The following TTLL5 variants were observed in gnomAD, a reference collection of about 807,000 sequenced individuals.
TTLL5 encodes tubulin tyrosine ligase like 5, also known as tubulin polyglutamylase TTLL5.
Under a neutral mutation model 168.4 loss-of-function variants are expected in TTLL5, and 132 were observed. That is an observed-to-expected ratio of 0.78 (90% confidence interval 0.68 to 0.91). TTLL5 has a LOEUF of 0.91. TTLL5 is among the 40% of genes least tolerant of loss of function. The pLI, the probability that TTLL5 is intolerant of heterozygous loss-of-function variation, is 0.00. For synonymous variants in TTLL5, 546 were observed against 558.6 expected (o/e 0.98, Z 0.32); for missense variants, 1,545 against 1,581.5 (o/e 0.98, Z 0.39).
chr14:75,911,528 T>C (rs2033386885), intron 31 of TTLL5, among the ~76,000 whole-genome samples: 1 of 152,234 alleles, frequency 6.6e-6, no homozygotes, highest in Non-Finnish European at 1.5e-5. Flanking sequence ...TTGTTTGGTG[T>C]TGGTTAGAAG....
intron 2 of TTLL5, among the ~76,000 whole-genome samples, chr14:75,665,673 A>G (rs929717093): frequency 2.0e-5 from 3 of 152,186 alleles, no homozygotes; most frequent in African/African-American, 7.2e-5. Flanking sequence ...AGCCTGGCCA[A>G]TATGGTGAAA....
At chr14:75,880,729 G>A (rs2140017096) in intron 29 of TTLL5, among the ~76,000 whole-genome samples, 1 of 152,290 alleles carries the variant, frequency 6.6e-6, no homozygotes, top group South Asian at 2.1e-4. Context: ...AGGGTTTGTT[G>A]TAGACCCTGT....
intron 30 of TTLL5, among the ~76,000 whole-genome samples, chr14:75,890,572 A>G (rs1451915418): frequency 6.6e-6 from 1 of 152,182 alleles, no homozygotes; most frequent in Admixed American, 6.5e-5. Context: ...CTTGAAGAAA[A>G]AGAAGATTTA....
At chr14:75,855,265 TA>T (rs1180834111) in intron 28 of TTLL5, among the ~76,000 whole-genome samples, 1 of 152,082 alleles carries the variant, frequency 6.6e-6, no homozygotes, top group Non-Finnish European at 1.5e-5. Context: ...GTAGATTGAT[TA>T]GGGGGTAGTT....
intron 18 of TTLL5, among the ~76,000 whole-genome samples, chr14:75,760,713 T>C (rs903730220): frequency 6.6e-6 from 1 of 152,030 alleles, no homozygotes; most frequent in African/African-American, 2.4e-5. Flanking sequence ...ATGGAACAAC[T>C]GAATATCGTA....
intron 20 of TTLL5, among the ~76,000 whole-genome samples, chr14:75,768,474 C>G (rs1288067251): frequency 6.6e-6 from 1 of 151,778 alleles, no homozygotes; most frequent in African/African-American, 2.4e-5. Context: ...AGGGAGACAG[C>G]CAGCTAAAAG....
intron 28 of TTLL5, among the ~76,000 whole-genome samples, chr14:75,846,549 G>A (rs1359539999): frequency 1.3e-5 from 2 of 152,192 alleles, no homozygotes; most frequent in Non-Finnish European, 2.9e-5. Flanking sequence ...CTAGCACTTT[G>A]GGAGGCCGAG....
chr14:75,681,716 T>A (rs1253121427), intron 4 of TTLL5, 89 bp downstream of exon 4: 12 of 1,110,052 alleles, frequency 1.1e-5, no homozygotes, highest in African/African-American at 1.5e-5. Flanking sequence ...CAGGGCCAGC[T>A]CCAGGAAGTA....
chr14:75,782,046 G>A (rs1003068960), intron 24 of TTLL5, among the ~76,000 whole-genome samples: 1 of 150,858 alleles, frequency 6.6e-6, no homozygotes, highest in Admixed American at 6.6e-5. Context: ...TAGTGGGACC[G>A]CTCTTGCTGT....
intron 31 of TTLL5, among the ~76,000 whole-genome samples, chr14:75,928,286 C>T (rs1047392928): frequency 4.8e-5 from 7 of 144,502 alleles, no homozygotes; most frequent in African/African-American, 1.8e-4. Flanking sequence ...TATGTCCTGA[C>T]ACCTGAGTTA....
At chr14:75,953,866 G>GA (rs1394031073) in intron 31 of TTLL5, among the ~76,000 whole-genome samples, 2 of 151,228 alleles carry the variant, frequency 1.3e-5, no homozygotes, top group Non-Finnish European at 3.0e-5. Context: ...TTTTGTCCAA[G>GA]AAAAAAAAGG....
rs188387553 is a variant in TTLL5, at chr14:75,716,065, A to G, written c.741-1796A>G. Among the ~76,000 whole-genome samples, 3 of 152,312 alleles carry G rather than the reference A, an allele frequency of 2.0e-5. No individual in the cohort carries two copies. In the East Asian group the frequency reaches 5.8e-4, roughly 29 times the overall value. On this transcript the variant is annotated intron_variant, in intron 9 of 31. Coordinates refer to ENST00000298832, the MANE Select transcript of TTLL5 (RefSeq NM_015072.5). ...GTCACCTTGAGGTAATGTCTGGCTG[A>G]GGCAGGCAGCCAGCACGGGGCCCCT...
chr14:75,924,767 T>G (rs1298631780), intron 31 of TTLL5, among the ~76,000 whole-genome samples: 1 of 152,006 alleles, frequency 6.6e-6, no homozygotes, highest in Non-Finnish European at 1.5e-5. Flanking sequence ...ACCGCCATTG[T>G]CATCCCGGCC....
chr14:75,930,906 A>G (rs1442404021), intron 31 of TTLL5, among the ~76,000 whole-genome samples: 1 of 152,202 alleles, frequency 6.6e-6, no homozygotes, highest in Non-Finnish European at 1.5e-5. Flanking sequence ...CTTTAACAAC[A>G]CTGAGTTTTT....
chr14:75,890,022 A>G (rs2032322670), intron 30 of TTLL5, among the ~76,000 whole-genome samples: 1 of 152,168 alleles, frequency 6.6e-6, no homozygotes, highest in Admixed American at 6.5e-5. Context: ...TGAAAGATGA[A>G]AAAGAAATTA....
chr14:75,920,195 A>G (rs1056421138), intron 31 of TTLL5, among the ~76,000 whole-genome samples: 2 of 152,196 alleles, frequency 1.3e-5, no homozygotes, highest in Non-Finnish European at 2.9e-5. Context: ...ATTATTTGCA[A>G]ATCATTTATA....
rs1166420551 is a variant in TTLL5, at chr14:75,773,957, AAGAGAGAGAGAGAGAGAGAG to A, written c.2137-1504_2137-1485del. Among the ~76,000 whole-genome samples the A allele has an allele frequency of 1.2e-4, 5 of 43,362 alleles. No individual in the cohort carries two copies. The Admixed American group carries it at 1.8e-3, about 16-fold the overall frequency. The allele number at this position is 43,362 out of a possible 152,430, so 28.4% of individuals were successfully genotyped here. On this transcript the variant is annotated intron_variant, in intron 21 of 31. Coordinates refer to ENST00000298832, the MANE Select transcript of TTLL5 (RefSeq NM_015072.5). ...AGAGAGAGAGAGAGAGAGAGAGAGAAAGAGAGAGAGAGAGAGAGAGAGAGAGAGAGAGAGAGAGAGAGCGA... is the reference window on the plus strand; with the variant it reads ...AGAGAGAGAGAGAGAGAGAGAGAGAAAGAGAGAGAGAGAGAGAGAGAGCGA...
At chr14:75,721,302 C>T (rs989053554) in intron 12 of TTLL5, among the ~76,000 whole-genome samples, 3 of 152,166 alleles carry the variant, frequency 2.0e-5, no homozygotes, top group African/African-American at 7.2e-5. Flanking sequence ...CCTACTGACC[C>T]CCTAGCTATA....
chr14:75,831,626 G>T (rs1051681781), intron 28 of TTLL5, among the ~76,000 whole-genome samples: 1 of 152,182 alleles, frequency 6.6e-6, no homozygotes, highest in Admixed American at 6.5e-5. Context: ...CTAGCTCCCA[G>T]GGAAGCCGTG....
Sources: allele counts gnomAD v4.1 joint callset (sites outside exome capture counted in the v4.1 genomes callset), GRCh38; gene constraint gnomAD v4.1.1; transcripts MANE v1.5; gene names NCBI Gene and HGNC (gene_info 2026-07-23, HGNC 2026-07-21).